DNAH11: variants seen among roughly 807,000 people sequenced by gnomAD.
DNAH11 encodes axonemal beta dynein heavy chain 11.
Under a neutral mutation model 526.0 loss-of-function variants are expected in DNAH11, and 442 were observed. The observed-to-expected ratio is 0.84, with a 90% CI of 0.78 to 0.91. The LOEUF (loss-of-function observed/expected upper bound fraction) is 0.91, where lower values mean the gene tolerates loss of function less well. Ranked by LOEUF, DNAH11 falls within the 40% of genes least tolerant of loss-of-function variation. DNAH11 has a pLI of 0.00. For missense variants in DNAH11, 6,989 were observed against 5,448.7 expected, an observed-to-expected ratio of 1.28 and a Z score of -8.90; for synonymous variants, 2,461 against 1,935.9, an observed-to-expected ratio of 1.27 and a Z score of -7.12.
intron 40 of DNAH11, among the ~76,000 whole-genome samples, chr7:21,709,722 A>G (rs1025374060): frequency 6.6e-6 from 1 of 152,190 alleles, no homozygotes; most frequent in East Asian, 1.9e-4. Context: ...GAACTATGGC[A>G]GGGAGAGAAT....
chr7:21,548,370 T>C (rs11763790), intron 2 of DNAH11, among the ~76,000 whole-genome samples: 29,530 of 152,116 alleles, frequency 0.19, 2,936 homozygotes, highest in Middle Eastern at 0.27. Flanking sequence ...ATAATAGATA[T>C]AGTTAATTTA....
Position 21,843,567 on chromosome 7 carries a change from G to A in DNAH11, c.10896+819G>A, listed in dbSNP as rs552899456. ...ATGGTCTCGGCTCACTGCAACCTCCGCCTCCTGGGTTCAAGCGATTCTTCT... is the reference window on the plus strand; with the variant it reads ...ATGGTCTCGGCTCACTGCAACCTCCACCTCCTGGGTTCAAGCGATTCTTCT... On this transcript the variant is annotated intron_variant, in intron 66 of 81. Coordinates refer to ENST00000409508, the MANE Select transcript of DNAH11 (RefSeq NM_001277115.2). Among the ~76,000 whole-genome samples the A allele has an allele frequency of 6.7e-5, 10 of 148,386 alleles. No individual in the cohort carries two copies. The South Asian group carries it at 1.9e-3, about 29-fold the overall frequency.
chr7:21,807,849 C>A (rs1484708745), intron 62 of DNAH11, 34 bp from the exon 63 acceptor site: 3 of 1,568,370 alleles, frequency 1.9e-6, no homozygotes, highest in South Asian at 2.3e-5. Flanking sequence ...ATTCAGCCTG[C>A]AATTACAGCT....
rs1179924090 is a variant in DNAH11, at chr7:21,571,878, T to C, written c.1498T>C (p.Leu500=). ...LEFGGTKGAI[L]NGQVHEMSEE... ...ATTTGGTGGTACCAAAGGAGCAATTTTAAATGGACAAGTCCACGAGATGAG... is the reference window on the plus strand; with the variant it reads ...ATTTGGTGGTACCAAAGGAGCAATTCTAAATGGACAAGTCCACGAGATGAG... The change falls in exon 8 of 82, where the codon TTA becomes CTA. Residue 500 remains leucine (L), a synonymous_variant. Transcript: ENST00000409508. 1.2e-5 allele frequency: 20 copies of C among 1,613,276 alleles called. No individual in the cohort carries two copies. Among genetic ancestry groups the C allele is most frequent in the Non-Finnish European group, 1.7e-5 (20 of 1,179,592 alleles).
chr7:21,807,769 T>C (rs1330296337), intron 62 of DNAH11, 114 bp from the exon 63 acceptor site: 2 of 960,906 alleles, frequency 2.1e-6, no homozygotes, highest in Non-Finnish European at 3.0e-6. Context: ...ACTCTGTTCC[T>C]TATAGTGACT....
In DNAH11 at chr7:21,786,693, A is replaced by T. The variant is rs775294151; in HGVS notation, c.9667A>T (p.Met3223Leu). ...AGTTACCAATGTTACTGCAGCCGTGATGGTCCTTCTGGCTCCTCGGGGAAG... is the reference window on the plus strand; with the variant it reads ...AGTTACCAATGTTACTGCAGCCGTGTTGGTCCTTCTGGCTCCTCGGGGAAG... Reference protein sequence around the residue: ...IAVTNVTAAVMVLLAPRGRVP... With the variant: ...IAVTNVTAAVLVLLAPRGRVP... Residue 3223 changes from methionine to leucine, a missense_variant, in exon 59 of 82, where the codon ATG (methionine) becomes TTG (leucine). Met to Leu is a conservative substitution (Grantham distance 15). Coordinates refer to ENST00000409508, the MANE Select transcript of DNAH11 (RefSeq NM_001277115.2). The T allele has an allele frequency of 1.2e-6, 2 of 1,613,872 alleles. No individual in the cohort carries two copies. The highest frequency in any genetic ancestry group is 1.7e-6 in the Non-Finnish European group (2 of 1,179,778).
At chr7:21,887,671 T>G (rs1784175376) in intron 76 of DNAH11, among the ~76,000 whole-genome samples, 1 of 152,196 alleles carries the variant, frequency 6.6e-6, no homozygotes, top group Non-Finnish European at 1.5e-5. Flanking sequence ...CTTTTTATTA[T>G]AAAGTATACA....
chr7:21,615,514 A>G (rs191351556), intron 21 of DNAH11, among the ~76,000 whole-genome samples: 9 of 151,846 alleles, frequency 5.9e-5, no homozygotes, highest in African/African-American at 1.7e-4. Context: ...GACTGCCTCA[A>G]ATCCTTTGGG....
At chr7:21,728,645 A>G (rs1285073943) in intron 45 of DNAH11, among the ~76,000 whole-genome samples, 1 of 152,216 alleles carries the variant, frequency 6.6e-6, no homozygotes, top group African/African-American at 2.4e-5. Flanking sequence ...GATACATTTC[A>G]TCTATCAGTT....
At chr7:21,898,942 C>G (rs1461830822) in intron 79 of DNAH11, among the ~76,000 whole-genome samples, 2 of 152,244 alleles carry the variant, frequency 1.3e-5, no homozygotes. Flanking sequence ...TAACCACCAT[C>G]ACAGCCTTGC....
chr7:21,681,025 C>T (rs1244248199), intron 30 of DNAH11, among the ~76,000 whole-genome samples: 1 of 152,112 alleles, frequency 6.6e-6, no homozygotes, highest in African/African-American at 2.4e-5. Flanking sequence ...TCTTCCCTGG[C>T]TTTGTCATTA....
intron 28 of DNAH11, among the ~76,000 whole-genome samples, chr7:21,640,299 A>G (rs1052056594): frequency 6.6e-6 from 1 of 152,200 alleles, no homozygotes; most frequent in Non-Finnish European, 1.5e-5. Context: ...TTGTCACTAC[A>G]CTATGCTTCA....
rs1388345315 is a variant in DNAH11 at position 21,789,296 on chromosome 7, T to C, written c.9980T>C (p.Leu3327Pro). 6.3e-7 allele frequency: 1 copy of C among 1,577,850 alleles called. No individual in the cohort carries two copies. Among genetic ancestry groups the C allele is most frequent in the Non-Finnish European group, 8.6e-7 (1 of 1,161,280 alleles). ...GCATTAGCCCAAGCAAACTTAGAAC[T>C]GGCTGCAGCTACTGAAAAACTAGAG... is the stretch of plus-strand genomic sequence containing the variant. ...RQALAQANLELAAATEKLEAI... is the reference protein window; with the variant it reads ...RQALAQANLEPAAATEKLEAI... The change falls in exon 61 of 82, where the codon CTG becomes CCG. Residue 3327 changes from leucine (L) to proline (P), a missense_variant. Physicochemically the swap from Leu to Pro is moderately conservative, Grantham distance 98. Transcript: ENST00000409508.
intron 61 of DNAH11, among the ~76,000 whole-genome samples, chr7:21,790,134 GGCACATAGTAAGT>G (rs1788413718): frequency 6.6e-6 from 1 of 151,848 alleles, no homozygotes; most frequent in Non-Finnish European, 1.5e-5. Flanking sequence ...CATGGTACTT[GGCACATAGTAAGT>G]GCTTAGAAAA....
At chr7:21,719,850 G>C (rs541330327) in intron 43 of DNAH11, among the ~76,000 whole-genome samples, 3 of 152,332 alleles carry the variant, frequency 2.0e-5, no homozygotes, top group South Asian at 4.1e-4. Flanking sequence ...AAAACTGGGG[G>C]AAGAGTCTCT....
rs1404923049 is a variant in DNAH11 at position 21,773,917 on chromosome 7, T to G, written c.9254T>G (p.Leu3085Trp). The change falls in exon 56 of 82, where the codon TTG (leucine) becomes TGG (tryptophan). Residue 3085 changes from leucine to tryptophan, a missense_variant. Leu to Trp is a moderately conservative substitution (Grantham distance 61). Coordinates refer to ENST00000409508, the MANE Select transcript of DNAH11 (RefSeq NM_001277115.2). The stretch of plus-strand genomic sequence containing the variant: ...CAAATATCACTGTTTAAGAACCTGT[T>G]GAAGAAGAAGCAAAATGAGGTATCC... ...LEQISLFKNLLKKKQNEVSEK... is the reference protein window; with the variant it reads ...LEQISLFKNLWKKKQNEVSEK... 3.1e-6 allele frequency: 5 copies of G among 1,599,464 alleles called. No individual in the cohort carries two copies. The highest frequency in any genetic ancestry group is 4.3e-6 in the Non-Finnish European group (5 of 1,172,722).
At chr7:21,744,323 T>G in intron 49 of DNAH11, 115 bp from the exon 50 acceptor site, 4 of 1,124,248 alleles carry the variant, frequency 3.6e-6, no homozygotes, top group Non-Finnish European at 5.2e-6. Context: ...TTACTATTGA[T>G]GATATTTCTT....
chr7:21,856,629 G>T (rs1327374998), intron 68 of DNAH11, among the ~76,000 whole-genome samples: 1 of 152,052 alleles, frequency 6.6e-6, no homozygotes. Context: ...AAAGCACAAT[G>T]TATCATGACC....
At chr7:21,849,055 T>G (rs1218001750) in intron 66 of DNAH11, among the ~76,000 whole-genome samples, 1 of 152,126 alleles carries the variant, frequency 6.6e-6, no homozygotes, top group Non-Finnish European at 1.5e-5. Flanking sequence ...CCAGCTAATT[T>G]TGTATTTTTA....
Sources: allele counts gnomAD v4.1 joint callset (sites outside exome capture counted in the v4.1 genomes callset), GRCh38; gene constraint gnomAD v4.1.1; transcripts MANE v1.5; gene names NCBI Gene and HGNC (gene_info 2026-07-23, HGNC 2026-07-21).